The following PTPRT variants were observed in gnomAD, a reference collection of about 807,000 sequenced individuals.
The protein encoded by PTPRT is receptor-type tyrosine-protein phosphatase T.
Under a neutral mutation model 176.8 loss-of-function variants are expected in PTPRT, and 56 were observed. That is an observed-to-expected ratio of 0.32 (90% CI 0.26 to 0.40). PTPRT has a LOEUF of 0.40. PTPRT is among the 10% of genes least tolerant of loss of function. PTPRT has a pLI of 1.00. For synonymous variants in PTPRT, 783 were observed against 739.0 expected (o/e 1.06, Z -0.96); for missense variants, 1,540 against 1,908.2 (o/e 0.81, Z 3.60).
intron 6 of PTPRT, among the ~76,000 whole-genome samples, chr20:42,701,985 G>A (rs2075980292): frequency 6.6e-6 from 1 of 152,092 alleles, no homozygotes; most frequent in Non-Finnish European, 1.5e-5. Context: ...AAGAGTGTGT[G>A]CAGCCCCGCG....
intron 2 of PTPRT, among the ~76,000 whole-genome samples, chr20:42,883,642 C>T (rs1228957955): frequency 2.0e-5 from 3 of 151,270 alleles, no homozygotes; most frequent in Non-Finnish European, 1.5e-5. Context: ...CATGCATATG[C>T]ACACACCGCC....
chr20:42,274,677 G>C (rs895180024), intron 13 of PTPRT, among the ~76,000 whole-genome samples: 4 of 151,888 alleles, frequency 2.6e-5, no homozygotes, highest in African/African-American at 9.7e-5. Context: ...TCAGTGTTGA[G>C]TGCAGAGAGA....
chr20:43,066,167 G>A (rs1411347807), intron 1 of PTPRT, among the ~76,000 whole-genome samples: 1 of 152,072 alleles, frequency 6.6e-6, no homozygotes, highest in Admixed American at 6.5e-5. Flanking sequence ...CACGTGGCAG[G>A]TGCCTGTATG....
chr20:42,287,261 A>G (rs2057246366), intron 12 of PTPRT, among the ~76,000 whole-genome samples: 1 of 151,864 alleles, frequency 6.6e-6, no homozygotes, highest in East Asian at 1.9e-4. Flanking sequence ...AGATAAATCA[A>G]TATATTGAGG....
intron 7 of PTPRT, among the ~76,000 whole-genome samples, chr20:42,593,894 C>T (rs566578473): frequency 6.6e-6 from 1 of 152,194 alleles, no homozygotes; most frequent in Non-Finnish European, 1.5e-5. Context: ...CGAGTTTAGG[C>T]TTCTCAATAT....
intron 1 of PTPRT, among the ~76,000 whole-genome samples, chr20:43,062,164 G>A (rs1987489736): frequency 6.6e-6 from 1 of 152,184 alleles, no homozygotes; most frequent in Non-Finnish European, 1.5e-5. Context: ...TGATCAGGGT[G>A]GTGATTAGCT....
At chr20:42,627,113 A>G (rs2074304560) in intron 7 of PTPRT, among the ~76,000 whole-genome samples, 1 of 152,190 alleles carries the variant, frequency 6.6e-6, no homozygotes, top group Non-Finnish European at 1.5e-5. Context: ...AGGAGATTCT[A>G]AAAGTGTGAG....
chr20:42,416,116 A>T (rs1328723191), intron 9 of PTPRT, among the ~76,000 whole-genome samples: 1 of 152,204 alleles, frequency 6.6e-6, no homozygotes, highest in African/African-American at 2.4e-5. Context: ...TCAAGATGAG[A>T]TCATCCTGGA....
intron 9 of PTPRT, among the ~76,000 whole-genome samples, chr20:42,413,509 T>C (rs2059036543): frequency 6.6e-6 from 1 of 152,204 alleles, no homozygotes; most frequent in Admixed American, 6.5e-5. Flanking sequence ...CAATCTTACT[T>C]ATGAATATGG....
intron 7 of PTPRT, among the ~76,000 whole-genome samples, chr20:42,542,999 T>C (rs977304334): frequency 2.0e-5 from 3 of 152,262 alleles, no homozygotes; most frequent in Non-Finnish European, 4.4e-5. Context: ...AAGGATCATC[T>C]GAGCCTTCAG....
At chr20:42,729,204 C>T (rs1011512944) in intron 6 of PTPRT, among the ~76,000 whole-genome samples, 2 of 152,136 alleles carry the variant, frequency 1.3e-5, no homozygotes, top group East Asian at 1.9e-4. Context: ...GGCTCCCACC[C>T]TGAACTAAAA....
chr20:42,275,459 A>T (rs1027628180), intron 13 of PTPRT, among the ~76,000 whole-genome samples: 1 of 152,196 alleles, frequency 6.6e-6, no homozygotes, highest in Non-Finnish European at 1.5e-5. Context: ...GTTGAGAAAG[A>T]TGGATTGGAA....
chr20:42,323,783 TA>T (rs906699130), intron 11 of PTPRT, among the ~76,000 whole-genome samples: 46 of 150,996 alleles, frequency 3.0e-4, no homozygotes, highest in South Asian at 1.7e-3. Context: ...AAAATAAAAA[TA>T]AAAAAAAGAA....
chr20:42,379,610 G>A (rs950067155), intron 9 of PTPRT, among the ~76,000 whole-genome samples: 28 of 152,246 alleles, frequency 1.8e-4, no homozygotes, highest in Admixed American at 1.3e-4. Flanking sequence ...CTACAAAGGA[G>A]TTATATGCCA....
chr20:43,057,701 A>G (rs1482631813), intron 1 of PTPRT, among the ~76,000 whole-genome samples: 1 of 152,212 alleles, frequency 6.6e-6, no homozygotes, highest in African/African-American at 2.4e-5. Context: ...AAAAACTTAG[A>G]ATTCTTTAAA....
At chr20:42,511,876 G>A (rs943318878) in intron 7 of PTPRT, among the ~76,000 whole-genome samples, 1 of 151,986 alleles carries the variant, frequency 6.6e-6, no homozygotes, top group Non-Finnish European at 1.5e-5. Context: ...CCATTCTATA[G>A]CAACCTCTTT....
At chr20:42,206,441 G>A (rs560270559) in intron 15 of PTPRT, among the ~76,000 whole-genome samples, 57 of 152,020 alleles carry the variant, frequency 3.7e-4, no homozygotes, top group African/African-American at 1.2e-3. Context: ...TGCGCGAGCC[G>A]AAGCAGGGCG....
At chr20:42,925,379 TG>T (rs1216292883) in intron 1 of PTPRT, among the ~76,000 whole-genome samples, 3 of 152,206 alleles carry the variant, frequency 2.0e-5, no homozygotes, top group African/African-American at 7.2e-5. Context: ...TAGATATTGT[TG>T]CTCCCCTAGG....
At chr20:42,324,365 G>A (rs2057850675) in intron 11 of PTPRT, among the ~76,000 whole-genome samples, 1 of 152,182 alleles carries the variant, frequency 6.6e-6, no homozygotes, top group Non-Finnish European at 1.5e-5. Context: ...CCTGGGACTG[G>A]AAGTGGAAAT....
Sources: allele counts gnomAD v4.1 joint callset (sites outside exome capture counted in the v4.1 genomes callset), GRCh38; gene constraint gnomAD v4.1.1; transcripts MANE v1.5; gene names NCBI Gene and HGNC (gene_info 2026-07-23, HGNC 2026-07-21).